DST: variants seen among roughly 807,000 people sequenced by gnomAD.
The protein encoded by DST is dystonin.
A neutral mutation model predicts 875.2 loss-of-function variants in DST; 253 were observed. The observed-to-expected ratio is 0.29, with a 90% CI of 0.26 to 0.32. The LOEUF is 0.32. DST is among the 10% of genes least tolerant of loss of function. The probability of loss-of-function intolerance (pLI) is 1.00; values close to 1 mark genes in which losing one functional copy is unlikely to be tolerated. For missense variants in DST, 8,287 were observed against 9,111.6 expected (o/e 0.91, Z 3.68); for synonymous variants, 3,124 against 3,197.1 (o/e 0.98, Z 0.77).
intron 82 of DST, among the ~76,000 whole-genome samples, chr6:56,495,021 A>G (rs191837101): frequency 3.3e-5 from 5 of 152,074 alleles, no homozygotes; most frequent in Admixed American, 3.3e-4. Flanking sequence ...TATACAATTC[A>G]GTGTTTTTAA....
intron 99 of DST, among the ~76,000 whole-genome samples, chr6:56,465,250 C>A (rs940966428): frequency 2.0e-5 from 3 of 152,118 alleles, no homozygotes; most frequent in Non-Finnish European, 2.9e-5. Flanking sequence ...CAGGAGGAAA[C>A]CTGGGATCCC....
chr6:56,948,303 T>A (rs1012934448), intron 2 of DST, among the ~76,000 whole-genome samples: 4 of 152,228 alleles, frequency 2.6e-5, no homozygotes, highest in African/African-American at 9.6e-5. Context: ...TTGGCATATC[T>A]GAATTGCCAG....
chr6:56,936,735 C>T (rs536453714), intron 2 of DST, among the ~76,000 whole-genome samples: 13 of 151,860 alleles, frequency 8.6e-5, no homozygotes, highest in East Asian at 5.8e-4. Context: ...AAAGGGAATC[C>T]GAAAGTACTA....
chr6:56,458,926 G>C lies in DST; in HGVS notation c.*79C>G, dbSNP rs2094184606. The C allele has an allele frequency of 2.9e-6, 4 of 1,380,206 alleles. No individual in the cohort carries two copies. Among genetic ancestry groups the C allele is most frequent in the Non-Finnish European group, 3.8e-6 (4 of 1,049,710 alleles). The allele number at this position is 1,380,206 out of a possible 1,614,324, so 85.5% of individuals were successfully genotyped here. On this transcript the variant is annotated 3_prime_UTR_variant, in exon 104 of 104. Transcript: ENST00000680361. The stretch of plus-strand genomic sequence containing the variant: ...ACTCGCCTCTTGCAATATTTCACAA[G>C]AATTTCTACACCATATTTTACATCG...
chr6:56,608,418 A>G lies in DST; in HGVS notation c.6210T>C (p.Val2070=). ...LLVLEAQRGY[V]GLIWPHSGEI... The stretch of plus-strand genomic sequence containing the variant: ...CACCAGAATGGGGCCAAATGAGTCC[A>G]ACATAGCCTCGCTGAGCTTCCAGGA... Residue 2070 remains valine, a synonymous_variant, in exon 40 of 104, where the codon GTT becomes GTC. Coordinates refer to ENST00000680361, the MANE Select transcript of DST (RefSeq NM_001374736.1). The G allele has an allele frequency of 6.2e-7, 1 of 1,613,740 alleles. No homozygotes were observed. Among genetic ancestry groups the G allele is most frequent in the Non-Finnish European group, 8.5e-7 (1 of 1,179,800 alleles).
At position 56,633,233 on chromosome 6, in the gene DST, C is replaced by CT. The variant is rs61647189; in HGVS notation, c.3622-197dup. Among the ~76,000 whole-genome samples the CT allele has an allele frequency of 1.7e-3, 240 of 138,656 alleles. 4 individuals are homozygous for CT. In the South Asian group the frequency reaches 0.03, roughly 17 times the overall value. The allele number at this position is 138,656 out of a possible 152,430, so 91.0% of individuals were successfully genotyped here. A position where few individuals can be genotyped will look rare whatever the true frequency, so the allele number is the denominator to read the frequency against. Reference sequence around the variant, plus strand: ...TTTTGTTTTGAGACGGAGTTTCACTCTTTTTTTTTTTGAGACGGAGTCTCG... The same window carrying CT: ...TTTTGTTTTGAGACGGAGTTTCACTCTTTTTTTTTTTTGAGACGGAGTCTCG... On this transcript the variant is annotated intron_variant, in intron 27 of 103. Coordinates refer to ENST00000680361, the MANE Select transcript of DST (RefSeq NM_001374736.1).
intron 57 of DST, 27 bp from the exon 58 acceptor site, chr6:56,560,450 C>A: frequency 1.3e-6 from 2 of 1,566,710 alleles, no homozygotes; most frequent in East Asian, 2.3e-5. Context: ...AATAATAAAT[C>A]ATGTGTACAG....
Position 56,952,174 on chromosome 6 carries a change from A to T in DST, c.216+1611T>A, listed in dbSNP as rs1822702502. Among the ~76,000 whole-genome samples the T allele has an allele frequency of 2.0e-5, 3 of 152,230 alleles. No individual in the cohort carries two copies. The South Asian group carries it at 6.2e-4, about 32-fold the overall frequency. ...CTTATGAAGTGAGTTAAGGCATTAAACAACTACCCCCAGCTTTCCTAACCA... is the reference window on the plus strand; with the variant it reads ...CTTATGAAGTGAGTTAAGGCATTAATCAACTACCCCCAGCTTTCCTAACCA... On this transcript the variant is annotated intron_variant, in intron 2 of 103. Transcript: ENST00000680361.
intron 49 of DST, among the ~76,000 whole-genome samples, chr6:56,589,663 T>G (rs567949871): frequency 4.0e-4 from 61 of 152,340 alleles, no homozygotes; most frequent in Non-Finnish European, 6.8e-4. Context: ...GCCTTGAGAC[T>G]GGTCCCAAAA....
intron 2 of DST, among the ~76,000 whole-genome samples, chr6:56,922,307 C>T (rs943573686): frequency 7.9e-5 from 12 of 152,196 alleles, no homozygotes; most frequent in African/African-American, 2.9e-4. Context: ...CCTTCGTTCC[C>T]TCCTCACCTT....
intron 3 of DST, among the ~76,000 whole-genome samples, chr6:56,869,915 A>G (rs1284476242): frequency 6.6e-6 from 1 of 151,938 alleles, no homozygotes; most frequent in Non-Finnish European, 1.5e-5. Flanking sequence ...TGAACTCCTG[A>G]GCTCAAGCAA....
At chr6:56,872,394 T>G (rs1488200222) in intron 3 of DST, among the ~76,000 whole-genome samples, 1 of 152,134 alleles carries the variant, frequency 6.6e-6, no homozygotes, top group African/African-American at 2.4e-5. Context: ...CAGTGGCTCA[T>G]ACCTGTAGTC....
At chr6:56,586,417 A>G (rs2098150298) in intron 49 of DST, among the ~76,000 whole-genome samples, 1 of 150,750 alleles carries the variant, frequency 6.6e-6, no homozygotes, top group South Asian at 2.1e-4. Flanking sequence ...TAGGATTGCA[A>G]CCCCTGCCTT....
chr6:56,619,973 T>G, intron 36 of DST: 3 of 1,614,132 alleles, frequency 1.9e-6, no homozygotes, highest in Non-Finnish European at 2.5e-6. Flanking sequence ...GTCATGTTCT[T>G]GCTGGAGACC....
chr6:56,541,379 C>T (rs2097124088), intron 61 of DST: 1 of 152,530 alleles, frequency 6.6e-6, no homozygotes, highest in Non-Finnish European at 1.5e-5. Context: ...GGGTAAAGTT[C>T]GATCTGTAAA....
rs775464446 is a variant in DST at position 56,639,590 on chromosome 6, G to A, written c.2719C>T (p.Arg907Trp). The A allele has an allele frequency of 2.7e-5, 44 of 1,613,438 alleles. No homozygotes were observed. Among genetic ancestry groups the A allele is most frequent in the African/African-American group, 2.4e-4 (18 of 74,788 alleles). ...AAATTATGGAGTGTATCAAGGTGCC[G>A]TTCTTGATTCCTGGATGTATTCTTT... ...KLLNTSRNQE[R>W]HLDTLHNFVS... is the part of the protein sequence containing the mutation. Residue 907 changes from arginine (R) to tryptophan (W), a missense_variant, in exon 21 of 104, where the codon CGG (arginine) becomes TGG (tryptophan). Physicochemically the swap from Arg to Trp is moderately radical, Grantham distance 101 (BLOSUM62 -3). Coordinates refer to ENST00000680361, the MANE Select transcript of DST (RefSeq NM_001374736.1).
At chr6:56,907,728 A>G (rs1269122049) in intron 2 of DST, among the ~76,000 whole-genome samples, 1 of 152,234 alleles carries the variant, frequency 6.6e-6, no homozygotes, top group Non-Finnish European at 1.5e-5. Context: ...TCTATTAACA[A>G]TTTAGATGAA....
At chr6:56,742,909 C>T (rs545496247) in intron 4 of DST, among the ~76,000 whole-genome samples, 5 of 152,106 alleles carry the variant, frequency 3.3e-5, no homozygotes, top group Non-Finnish European at 5.9e-5. Context: ...TTGGATTTCA[C>T]AATAATTCTG....
chr6:56,704,576 G>A (rs1002471169), intron 5 of DST, among the ~76,000 whole-genome samples: 24 of 152,090 alleles, frequency 1.6e-4, no homozygotes, highest in African/African-American at 4.6e-4. Context: ...AATTCAAGAA[G>A]ACAATTCAAA....
Sources: gnomAD v4.1 joint callset for allele counts (sites outside exome capture counted in the v4.1 genomes callset) on GRCh38, gnomAD v4.1.1 for gene constraint, MANE v1.5 for transcripts, NCBI Gene and HGNC (gene_info 2026-07-23, HGNC 2026-07-21) for gene names.